Variants in NRG3 observed in about 807,000 individuals in gnomAD.
NRG3 encodes pro-neuregulin-3, membrane-bound isoform.
A neutral mutation model predicts 66.9 loss-of-function variants in NRG3; 31 were observed. The observed-to-expected ratio is 0.46, with a 90% CI of 0.35 to 0.63. The LOEUF (loss-of-function observed/expected upper bound fraction) is 0.63, where lower values mean the gene tolerates loss of function less well. Ranked by LOEUF, NRG3 falls within the 20% of genes least tolerant of loss-of-function variation. The pLI is 0.00. For synonymous variants in NRG3, 393 were observed against 359.4 expected (o/e 1.09, Z -1.06); for missense variants, 910 against 878.9 (o/e 1.04, Z -0.45).
chr10:81,914,392 T>G (rs892556321), intron 1 of NRG3, among the ~76,000 whole-genome samples: 10 of 152,162 alleles, frequency 6.6e-5, no homozygotes, highest in African/African-American at 1.4e-4. Context: ...TAGATTGCAG[T>G]GGGGCATCTG....
intron 1 of NRG3, among the ~76,000 whole-genome samples, chr10:82,145,619 A>G (rs533783489): frequency 1.3e-5 from 2 of 152,290 alleles, no homozygotes; most frequent in South Asian, 2.1e-4. Context: ...GTTTGCTTTC[A>G]TCTTGAAAGA....
At chr10:82,017,426 T>A (rs2061836626) in intron 1 of NRG3, among the ~76,000 whole-genome samples, 1 of 152,222 alleles carries the variant, frequency 6.6e-6, no homozygotes, top group African/African-American at 2.4e-5. Context: ...TATAGCAGCA[T>A]GATTTATAGT....
At chr10:82,508,682 A>G (rs994457520) in intron 2 of NRG3, among the ~76,000 whole-genome samples, 3 of 152,220 alleles carry the variant, frequency 2.0e-5, no homozygotes, top group South Asian at 2.1e-4. Flanking sequence ...AATTCAAAGC[A>G]TAGACTTTAT....
intron 1 of NRG3, among the ~76,000 whole-genome samples, chr10:82,195,713 G>A (rs2074412109): frequency 6.6e-6 from 1 of 152,148 alleles, no homozygotes; most frequent in African/African-American, 2.4e-5. Flanking sequence ...CTAATCAGTT[G>A]ACATTGAAAT....
At chr10:82,826,894 C>T (rs1445226853) in intron 3 of NRG3, among the ~76,000 whole-genome samples, 1 of 151,854 alleles carries the variant, frequency 6.6e-6, no homozygotes, top group African/African-American at 2.4e-5. Context: ...TGCACATGTA[C>T]CCCCTGCACC....
chr10:82,724,702 T>C (rs2057494505), intron 2 of NRG3, among the ~76,000 whole-genome samples: 1 of 152,248 alleles, frequency 6.6e-6, no homozygotes. Context: ...GATTCCTGAA[T>C]GACATCCTGT....
intron 1 of NRG3, among the ~76,000 whole-genome samples, chr10:82,348,499 C>A (rs1203213943): frequency 6.6e-6 from 1 of 150,572 alleles, no homozygotes; most frequent in Admixed American, 6.6e-5. Flanking sequence ...CTGCTCTTAA[C>A]ATTTTTTCCT....
intron 1 of NRG3, among the ~76,000 whole-genome samples, chr10:82,059,855 A>G (rs2064044412): frequency 6.6e-6 from 1 of 152,184 alleles, no homozygotes; most frequent in South Asian, 2.1e-4. Flanking sequence ...AGGTACCACC[A>G]GTGGCTTCTG....
At chr10:81,886,002 A>C (rs1457979899) in intron 1 of NRG3, among the ~76,000 whole-genome samples, 1 of 152,124 alleles carries the variant, frequency 6.6e-6, no homozygotes, top group African/African-American at 2.4e-5. Flanking sequence ...GGATTAAAAA[A>C]CTAACACATT....
chr10:82,647,445 A>G (rs553947596), intron 2 of NRG3, among the ~76,000 whole-genome samples: 7 of 152,326 alleles, frequency 4.6e-5, no homozygotes, highest in Admixed American at 3.3e-4. Flanking sequence ...TGCTATTGTG[A>G]ATAGAGCTGC....
At chr10:82,973,695 G>T in intron 6 of NRG3, 93 bp from the exon 7 acceptor site, 1 of 1,393,474 alleles carries the variant, frequency 7.2e-7, no homozygotes, top group Non-Finnish European at 1.0e-6. Flanking sequence ...GGAGGAACTG[G>T]CATTCCAGTA....
chr10:82,702,983 T>C (rs2056008301), intron 2 of NRG3, among the ~76,000 whole-genome samples: 1 of 151,984 alleles, frequency 6.6e-6, no homozygotes, highest in Admixed American at 6.6e-5. Flanking sequence ...TTTGTTGTTA[T>C]TTTATCTATT....
chr10:82,844,726 G>A (rs1477304547), intron 3 of NRG3, among the ~76,000 whole-genome samples: 3 of 147,240 alleles, frequency 2.0e-5, no homozygotes, highest in African/African-American at 5.0e-5. Flanking sequence ...ATAACTAAAA[G>A]ACTGATGAAG....
chr10:82,188,950 T>C (rs662365), intron 1 of NRG3, among the ~76,000 whole-genome samples: 6,913 of 151,716 alleles, frequency 0.046, 245 homozygotes, highest in South Asian at 0.16. Context: ...TTTTTGTAGC[T>C]CAAGAATAAA....
intron 4 of NRG3, among the ~76,000 whole-genome samples, chr10:82,916,789 T>A (rs1196425040): frequency 1.3e-5 from 2 of 152,172 alleles, no homozygotes; most frequent in East Asian, 3.9e-4. Context: ...CTAATTTTTG[T>A]ATTTTTAGTA....
At chr10:82,477,236 A>G (rs188142898) in intron 2 of NRG3, among the ~76,000 whole-genome samples, 102 of 152,334 alleles carry the variant, frequency 6.7e-4, no homozygotes, top group African/African-American at 2.4e-3. Context: ...AGACATGGGA[A>G]TACCAAATCC....
At chr10:81,960,333 T>G (rs904787982) in intron 1 of NRG3, among the ~76,000 whole-genome samples, 1 of 152,228 alleles carries the variant, frequency 6.6e-6, no homozygotes, top group African/African-American at 2.4e-5. Flanking sequence ...CAATAAATTT[T>G]TTAATGTTGT....
At chr10:82,111,292 A>G (rs1022227835) in intron 1 of NRG3, among the ~76,000 whole-genome samples, 2 of 152,198 alleles carry the variant, frequency 1.3e-5, no homozygotes, top group Non-Finnish European at 2.9e-5. Context: ...GTTCCAAGGC[A>G]TATTCTAATA....
chr10:82,216,272 C>T (rs947361555), intron 1 of NRG3, among the ~76,000 whole-genome samples: 6 of 151,588 alleles, frequency 4.0e-5, no homozygotes, highest in African/African-American at 1.2e-4. Flanking sequence ...CGAACCACTG[C>T]GCCTGGCCTT....
Sources: gnomAD v4.1 joint callset for allele counts (sites outside exome capture counted in the v4.1 genomes callset) on GRCh38, gnomAD v4.1.1 for gene constraint, MANE v1.5 for transcripts, NCBI Gene and HGNC (gene_info 2026-07-23, HGNC 2026-07-21) for gene names.